The following DPP6 variants were observed in gnomAD, a reference collection of about 807,000 sequenced individuals.
The protein encoded by DPP6 is A-type potassium channel modulatory protein DPP6.
Under a neutral mutation model 122.6 loss-of-function variants are expected in DPP6, and 69 were observed. The ratio of observed to expected loss-of-function variants is 0.56; its 90% CI spans 0.46 to 0.69. The LOEUF is 0.69. Among genes scored for constraint, DPP6 ranks in the 30% least tolerant of loss-of-function variants. DPP6 has a pLI of 0.00. For synonymous variants in DPP6, 418 were observed against 433.1 expected (o/e 0.97, Z 0.43); for missense variants, 928 against 1,116.9 (o/e 0.83, Z 2.41).
intron 1 of DPP6, among the ~76,000 whole-genome samples, chr7:154,286,471 G>C (rs1039590167): frequency 1.2e-4 from 18 of 152,190 alleles, no homozygotes; most frequent in African/African-American, 3.9e-4. Flanking sequence ...AGGAGCGTTT[G>C]TCCACTCCAT....
At chr7:154,396,621 T>C (rs1313945649) in intron 1 of DPP6, among the ~76,000 whole-genome samples, 1 of 152,238 alleles carries the variant, frequency 6.6e-6, no homozygotes, top group African/African-American at 2.4e-5. Flanking sequence ...TTGGTTTCCC[T>C]GATATTTTTC....
intron 1 of DPP6, among the ~76,000 whole-genome samples, chr7:154,204,557 C>G (rs527373698): frequency 6.6e-6 from 1 of 152,178 alleles, no homozygotes; most frequent in Admixed American, 6.5e-5. Flanking sequence ...TGTGAACACA[C>G]GGCAAACCTG....
At chr7:154,085,656 A>T (rs1804353587) in intron 1 of DPP6, among the ~76,000 whole-genome samples, 1 of 152,122 alleles carries the variant, frequency 6.6e-6, no homozygotes, top group African/African-American at 2.4e-5. Context: ...AAAAACTGAG[A>T]GTTAAAAAAG....
At chr7:154,553,435 T>C (rs1829778142) in intron 4 of DPP6, among the ~76,000 whole-genome samples, 1 of 152,210 alleles carries the variant, frequency 6.6e-6, no homozygotes, top group Admixed American at 6.5e-5. Flanking sequence ...GCAAGGTATA[T>C]GCAGAGTTCA....
At chr7:153,766,046 G>A in the DPP6 span, among the ~76,000 whole-genome samples, 21 of 152,322 alleles carry the variant, frequency 1.4e-4, no homozygotes, top group East Asian at 4.1e-3. Flanking sequence ...CACATTTTGA[G>A]TGGTAAGGCT....
intron 2 of DPP6, among the ~76,000 whole-genome samples, chr7:154,463,416 C>T (rs544116451): frequency 2.6e-5 from 4 of 151,828 alleles, no homozygotes; most frequent in Non-Finnish European, 5.9e-5. Flanking sequence ...ACCGTGTTAG[C>T]CAGGATGGTC....
chr7:154,450,400 A>G (rs2151296714), intron 2 of DPP6, among the ~76,000 whole-genome samples: 1 of 152,378 alleles, frequency 6.6e-6, no homozygotes, highest in South Asian at 2.1e-4. Flanking sequence ...TATACATTAA[A>G]AAGATGAACT....
At chr7:154,230,762 T>C (rs962522334) in intron 1 of DPP6, among the ~76,000 whole-genome samples, 1 of 152,250 alleles carries the variant, frequency 6.6e-6, no homozygotes, top group Non-Finnish European at 1.5e-5. Context: ...TTCTGATTCA[T>C]GTCTTTTTGC....
Position 154,293,497 on chromosome 7 carries a change from A to G in DPP6, c.244-152717A>G, listed in dbSNP as rs139201274. ...GAAATGGAGCCCCAAGTTCTAGACA[A>G]GCCTCCCCCCATCAACTCCTTCATC... On this transcript the variant is annotated intron_variant, in intron 1 of 25. Transcript: ENST00000377770. Among the ~76,000 whole-genome samples, 687 of 152,282 alleles carry G rather than the reference A, an allele frequency of 4.5e-3. 2 individuals carry two copies. The highest frequency in any genetic ancestry group is 0.016 in the African/African-American group (650 of 41,556).
At chr7:154,633,931 A>G (rs28683071) in intron 5 of DPP6, among the ~76,000 whole-genome samples, 10,347 of 151,806 alleles carry the variant, frequency 0.068, 1,150 homozygotes, top group African/African-American at 0.23. Flanking sequence ...TCACATTCCC[A>G]CACTTGGCAG....
At position 154,529,951 on chromosome 7, in the gene DPP6, C is replaced by T. The variant is rs147964146; in HGVS notation, c.458-10581C>T. Among the ~76,000 whole-genome samples the T allele has an allele frequency of 2.6e-3, 388 of 152,046 alleles. 1 individual carries two copies. The highest frequency in any genetic ancestry group is 3.9e-3 in the Non-Finnish European group (262 of 67,986). On this transcript the variant is annotated intron_variant, in intron 3 of 25. Coordinates refer to ENST00000377770, the MANE Select transcript of DPP6 (RefSeq NM_130797.4). The stretch of plus-strand genomic sequence containing the variant: ...GACCAGCCTGGCCAACATAGTGAAA[C>T]CCTGTCTCTACTACAAATATGAAAA...
intron 1 of DPP6, among the ~76,000 whole-genome samples, chr7:153,981,734 C>A (rs941207195): frequency 6.6e-6 from 1 of 152,142 alleles, no homozygotes; most frequent in African/African-American, 2.4e-5. Context: ...TTAGGGAAGG[C>A]CTGGTGGTGA....
the DPP6 span, among the ~76,000 whole-genome samples, chr7:153,794,542 A>T: frequency 6.6e-6 from 1 of 152,048 alleles, no homozygotes; most frequent in Admixed American, 6.5e-5. Flanking sequence ...GGCGGTAGGG[A>T]CTTGTCTTGT....
rs1231337550 is a variant in DPP6 at position 154,481,458 on chromosome 7, C to CACT, written c.457+6424_457+6426dup. Among the ~76,000 whole-genome samples, 1 of 151,776 alleles carries CACT rather than the reference C, an allele frequency of 6.6e-6. No homozygotes were observed. The highest frequency in any genetic ancestry group is 2.4e-5 in the African/African-American group (1 of 41,248). On this transcript the variant is annotated intron_variant, in intron 3 of 25. Coordinates refer to ENST00000377770, the MANE Select transcript of DPP6 (RefSeq NM_130797.4). This position sits in a 1 kb window ranked among gnomAD's most constrained non-coding sequence, Gnocchi z 4.2. The stretch of plus-strand genomic sequence containing the variant: ...ATTCACCTCACATCCTCATGCCCAG[C>CACT]ACTACATCATCCTCCCCCAACCTCT...
chr7:153,978,863 T>G, intron 1 of DPP6, among the ~76,000 whole-genome samples: 1 of 152,108 alleles, frequency 6.6e-6, no homozygotes, highest in East Asian at 1.9e-4. Context: ...GTTGTAGTTG[T>G]GCAGTGTTAC....
At chr7:154,632,498 G>T (rs184421666) in intron 5 of DPP6, among the ~76,000 whole-genome samples, 8 of 152,210 alleles carry the variant, frequency 5.3e-5, no homozygotes, top group Admixed American at 5.2e-4. Flanking sequence ...CTTACTGAGT[G>T]CATGATGGAG....
At chr7:154,811,232 T>A (rs1308371731) in intron 16 of DPP6, among the ~76,000 whole-genome samples, 1 of 152,206 alleles carries the variant, frequency 6.6e-6, no homozygotes, top group Middle Eastern at 3.2e-3. Context: ...GGTTTAAATT[T>A]ACAAAGACAA....
At chr7:154,295,577 A>G (rs1297649246) in intron 1 of DPP6, among the ~76,000 whole-genome samples, 1 of 152,150 alleles carries the variant, frequency 6.6e-6, no homozygotes, top group African/African-American at 2.4e-5. Flanking sequence ...TTCATAGCAT[A>G]CCAGCATCAA....
rs1359386226 is a variant in DPP6, at chr7:153,988,851, G to T, written c.51+101117G>T. 2.0e-5 allele frequency among the ~76,000 whole-genome samples: 3 copies of T among 151,366 alleles called. No individual in the cohort carries two copies. In the East Asian group the frequency reaches 5.8e-4, roughly 29 times the overall value. ...TATGGAGATTGCATTGCTTTCCCAA[G>T]ACTTAAAAAACGAAGAGTCAGCGAA... On this transcript the variant is annotated intron_variant, in intron 1 of 25. Transcript: ENST00000404039.
Sources: gnomAD v4.1 joint callset for allele counts (sites outside exome capture counted in the v4.1 genomes callset) on GRCh38, gnomAD v4.1.1 for gene constraint, Gnocchi (gnomAD v3.1) non-coding constraint, MANE v1.5 for transcripts, NCBI Gene and HGNC (gene_info 2026-07-23, HGNC 2026-07-21) for gene names.